Variants in USP32 observed in about 807,000 individuals in gnomAD.
USP32 encodes ubiquitin specific peptidase 32.
In USP32, 59 loss-of-function variants were observed where a neutral mutation model predicts 204.8. The observed-to-expected ratio is 0.29, with a 90% CI of 0.23 to 0.36. USP32 has a LOEUF of 0.36. USP32 is among the 10% of genes least tolerant of loss of function. USP32 has a pLI of 1.00. For synonymous variants in USP32, 517 were observed against 678.4 expected, an observed-to-expected ratio of 0.76 and a Z score of 3.70; for missense variants, 1,160 against 1,946.4, an observed-to-expected ratio of 0.60 and a Z score of 7.60.
intron 1 of USP32, among the ~76,000 whole-genome samples, chr17:60,414,492 A>C (rs1294796332): frequency 6.6e-6 from 1 of 150,812 alleles, no homozygotes; most frequent in Non-Finnish European, 1.5e-5. Flanking sequence ...GCAGTGGCAT[A>C]ATCTCGGCTC....
chr17:60,416,847 G>A (rs969209239), intron 1 of USP32, among the ~76,000 whole-genome samples: 4 of 151,676 alleles, frequency 2.6e-5, no homozygotes, highest in African/African-American at 9.7e-5. Flanking sequence ...ATTGAACTGG[G>A]GATATATATA....
upstream of USP32, among the ~76,000 whole-genome samples, chr17:60,392,823 G>A (rs377136411): frequency 3.9e-5 from 6 of 152,150 alleles, no homozygotes; most frequent in East Asian, 1.9e-4. Context: ...CGCCTGCCCG[G>A]CCCACCTTCT....
intron 11 of USP32, chr17:60,249,211 C>T (rs1227855263): frequency 6.6e-6 from 1 of 152,496 alleles, no homozygotes; most frequent in Non-Finnish European, 1.5e-5. Flanking sequence ...TGGATCTGTA[C>T]ATGGTTTGGG....
chr17:60,418,768 C>A (rs2090082634), intron 1 of USP32, among the ~76,000 whole-genome samples: 1 of 152,124 alleles, frequency 6.6e-6, no homozygotes, highest in Admixed American at 6.5e-5. Context: ...AAAAAAAGCT[C>A]AACATCACTG....
intron 1 of USP32, among the ~76,000 whole-genome samples, chr17:60,349,578 GAAAAAAAAA>G (rs757370384): frequency 1.1e-4 from 3 of 27,714 alleles, no homozygotes; most frequent in Non-Finnish European, 1.8e-4. Flanking sequence ...TGTCTCAAAA[GAAAAAAAAA>G]AAAAAAAAAA....
At chr17:60,190,276 G>A (rs867671075) in intron 29 of USP32, among the ~76,000 whole-genome samples, 7 of 152,102 alleles carry the variant, frequency 4.6e-5, no homozygotes, top group Non-Finnish European at 7.4e-5. Context: ...CCAGGCTGCC[G>A]AACAGTAAGC....
intron 2 of USP32, among the ~76,000 whole-genome samples, chr17:60,323,187 T>C (rs1220377451): frequency 2.0e-5 from 3 of 152,136 alleles, no homozygotes; most frequent in African/African-American, 4.8e-5. Context: ...CGCAAAGGTA[T>C]ACAAATGTTC....
intron 2 of USP32, among the ~76,000 whole-genome samples, chr17:60,321,411 C>T (rs948714708): frequency 3.9e-5 from 6 of 152,076 alleles, no homozygotes; most frequent in Non-Finnish European, 2.9e-5. Context: ...ACAAATATAC[C>T]GACATCTCCA....
Position 60,205,552 on chromosome 17 carries a change from T to G in USP32, c.3144A>C (p.Pro1048=), listed in dbSNP as rs529912350. Residue 1048 remains proline, a synonymous_variant, in exon 26 of 34, where the codon CCA becomes CCC. Coordinates refer to ENST00000300896, the MANE Select transcript of USP32 (RefSeq NM_032582.4). ...IPNGMPNTVV[P]CGTEKNFTNG... is the part of the protein sequence containing the mutation. The stretch of plus-strand genomic sequence containing the variant: ...TTGTGAAGTTCTTCTCAGTTCCACA[T>G]GGCACAACAGTGTTTGGCATTCCAT... The G allele has an allele frequency of 2.5e-6, 4 of 1,614,002 alleles. No homozygotes were observed. The highest frequency in any genetic ancestry group is 3.3e-4 in the Middle Eastern group (2 of 6,056).
intron 9 of USP32, chr17:60,258,192 G>A (rs1205771610): frequency 6.3e-6 from 1 of 158,718 alleles, no homozygotes; most frequent in Non-Finnish European, 1.5e-5. Flanking sequence ...ATGAAATGAT[G>A]CAAATGAAAA....
chr17:60,397,496 G>A (rs1242840635), intron 1 of USP32, among the ~76,000 whole-genome samples: 1 of 152,112 alleles, frequency 6.6e-6, no homozygotes, highest in Non-Finnish European at 1.5e-5. Context: ...AGAGTAGCTG[G>A]AACTACAGGT....
intron 5 of USP32, among the ~76,000 whole-genome samples, chr17:60,272,787 T>C (rs1161074537): frequency 6.6e-6 from 1 of 151,958 alleles, no homozygotes; most frequent in Non-Finnish European, 1.5e-5. Flanking sequence ...GTTAAGAAGA[T>C]AGGTTGGAGG....
chr17:60,422,350 A>T (rs2090130778), exon 1 of USP32: 1 of 1,012,454 alleles, frequency 9.9e-7, no homozygotes, highest in Non-Finnish European at 1.4e-6. Context: ...GACCCCGCAC[A>T]TCTTGCTCCG....
intron 5 of USP32, among the ~76,000 whole-genome samples, chr17:60,279,842 ATAATAATAAT>A (rs142722432): frequency 0.011 from 1,584 of 150,368 alleles, 18 homozygotes; most frequent in Non-Finnish European, 0.015. Context: ...GTCTCAAATA[ATAATAATAAT>A]TAATAATAAT....
intron 11 of USP32, among the ~76,000 whole-genome samples, chr17:60,241,915 T>C (rs1354128832): frequency 6.6e-6 from 1 of 152,222 alleles, no homozygotes; most frequent in Non-Finnish European, 1.5e-5. Context: ...AACTGTGCTT[T>C]TGGTGTTATA....
At chr17:60,381,888 G>A (rs1462264131) in intron 1 of USP32, among the ~76,000 whole-genome samples, 2 of 152,148 alleles carry the variant, frequency 1.3e-5, no homozygotes, top group South Asian at 2.1e-4. Flanking sequence ...AGTCGATACC[G>A]ACCCTCAGAG....
chr17:60,288,627 G>T lies in USP32; in HGVS notation c.467C>A (p.Ala156Asp). The T allele has an allele frequency of 6.2e-7, 1 of 1,612,694 alleles. No homozygotes were observed. The highest frequency in any genetic ancestry group is 8.5e-7 in the Non-Finnish European group (1 of 1,179,386). Residue 156 changes from alanine to aspartate, a missense_variant, in exon 5 of 34, where the codon GCT becomes GAT. Ala to Asp is a moderately radical substitution (Grantham distance 126). Around this residue, in one of 8 missense-constraint regions of USP32, gnomAD observed 536 missense variants for 680.9 expected, o/e 0.79. Transcript: ENST00000300896. Reference protein sequence around the residue: ...FRNWLFLNKDAFTFSRWLLSG... With the variant: ...FRNWLFLNKDDFTFSRWLLSG... ...TAGAAGCCATCGAGAGAAAGTAAAAGCATCTTTGTTTAGAAAAAGCCAATT... is the reference window on the plus strand; with the variant it reads ...TAGAAGCCATCGAGAGAAAGTAAAATCATCTTTGTTTAGAAAAAGCCAATT...
At chr17:60,232,173 T>C (rs936834224) in intron 12 of USP32, among the ~76,000 whole-genome samples, 53 of 136,732 alleles carry the variant, frequency 3.9e-4, no homozygotes, top group East Asian at 9.9e-4. Flanking sequence ...TTTTTCTTTT[T>C]TTTTTTTTTT....
intron 2 of USP32, among the ~76,000 whole-genome samples, chr17:60,328,383 A>G (rs2088297477): frequency 6.6e-6 from 1 of 152,108 alleles, no homozygotes; most frequent in Admixed American, 6.5e-5. Context: ...GACCAGCTGA[A>G]GAGAAAAGCT....
Sources: gnomAD v4.1 joint callset for allele counts (sites outside exome capture counted in the v4.1 genomes callset) on GRCh38, gnomAD v4.1.1 for gene constraint, gnomAD v4.1.1 regional missense constraint, MANE v1.5 for transcripts, NCBI Gene and HGNC (gene_info 2026-07-23, HGNC 2026-07-21) for gene names.